Variants in SYNE2 observed in about 807,000 individuals in gnomAD.
SYNE2 encodes nesprin-2.
Under a neutral mutation model 856.3 loss-of-function variants are expected in SYNE2, and 431 were observed. That is an observed-to-expected ratio of 0.50 (90% CI 0.47 to 0.55). SYNE2 has a LOEUF of 0.55. SYNE2 is among the 20% of genes least tolerant of loss of function. The pLI is 0.00. For synonymous variants in SYNE2, 2,923 were observed against 2,872.3 expected, an observed-to-expected ratio of 1.02 and a Z score of -0.56; for missense variants, 8,129 against 8,023.2, an observed-to-expected ratio of 1.01 and a Z score of -0.50.
intron 96 of SYNE2, 66 bp from the exon 97 acceptor site, chr14:64,186,358 A>G (rs2098490855): frequency 6.3e-7 from 1 of 1,599,586 alleles, no homozygotes; most frequent in Non-Finnish European, 8.6e-7. Context: ...GGATTAGCCT[A>G]CAGGTTTGGA....
chr14:63,802,660 C>T (rs1281451135), intron 1 of SYNE2, among the ~76,000 whole-genome samples: 3 of 152,152 alleles, frequency 2.0e-5, no homozygotes. Context: ...AGAATGAAGC[C>T]GCAGACCCTC....
At chr14:64,140,166 A>G in intron 80 of SYNE2, 93 bp downstream of exon 80, 1 of 1,311,526 alleles carries the variant, frequency 7.6e-7, no homozygotes, top group Non-Finnish European at 1.1e-6. Flanking sequence ...CTTCGTATTT[A>G]TTTGTGGATA....
Position 64,074,096 on chromosome 14 carries a change from T to C in SYNE2, c.10826T>C (p.Met3609Thr). ...FQQTTTSFQN[M>T]AFQDHPEKSE... is the part of the protein sequence containing the mutation. ...CAGACCACAACTTCATTCCAAAATA[T>C]GGCATTCCAGGATCACCCAGAAAAG... The change falls in exon 53 of 116, where the codon ATG becomes ACG. Residue 3609 changes from methionine to threonine, a missense_variant. Coordinates refer to ENST00000555002, the MANE Select transcript of SYNE2 (RefSeq NM_182914.3). 1 of 1,614,186 alleles carries C rather than the reference T, an allele frequency of 6.2e-7. No individual in the cohort carries two copies. The highest frequency in any genetic ancestry group is 8.5e-7 in the Non-Finnish European group (1 of 1,180,022).
chr14:64,215,876 T>C (rs1240236999), intron 107 of SYNE2: 1 of 1,180,322 alleles, frequency 8.5e-7, no homozygotes, highest in African/African-American at 1.6e-5. Context: ...CTGAGGAGCC[T>C]TTTGGTTCCC....
At chr14:64,207,207 C>A (rs909894202) in intron 100 of SYNE2, among the ~76,000 whole-genome samples, 1 of 152,136 alleles carries the variant, frequency 6.6e-6, no homozygotes, top group African/African-American at 2.4e-5. Context: ...ATTCAGTTGG[C>A]GGGTTAGCAT....
chr14:64,003,828 A>G (rs1269453228), intron 30 of SYNE2, among the ~76,000 whole-genome samples: 4 of 152,234 alleles, frequency 2.6e-5, no homozygotes, highest in Non-Finnish European at 5.9e-5. Context: ...TTAAGAGGCA[A>G]TCTAAAGTTA....
chr14:63,868,722 A>ATGTG (rs539424668), intron 1 of SYNE2, among the ~76,000 whole-genome samples: 1 of 151,800 alleles, frequency 6.6e-6, no homozygotes, highest in African/African-American at 2.4e-5. Context: ...CTATGTGTGC[A>ATGTG]TGTGTGCGTG....
At chr14:64,143,621 G>A in intron 82 of SYNE2, 151 bp from the exon 83 acceptor site, 4 of 778,416 alleles carry the variant, frequency 5.1e-6, no homozygotes, top group Non-Finnish European at 6.7e-6. Flanking sequence ...CCAACTCCTG[G>A]TGTAGGTTGG....
intron 44 of SYNE2, among the ~76,000 whole-genome samples, chr14:64,030,576 T>A (rs1457754554): frequency 6.6e-6 from 1 of 152,240 alleles, no homozygotes; most frequent in Non-Finnish European, 1.5e-5. Flanking sequence ...GATAGTACAC[T>A]AGGTGAATTT....
At chr14:64,173,604 T>C (rs950384157) in intron 94 of SYNE2, among the ~76,000 whole-genome samples, 2 of 152,142 alleles carry the variant, frequency 1.3e-5, no homozygotes, top group Non-Finnish European at 2.9e-5. Flanking sequence ...TATGTATTAT[T>C]TATTTATTTA....
At chr14:64,134,515 C>G (rs1200145024) in intron 78 of SYNE2, among the ~76,000 whole-genome samples, 3 of 152,154 alleles carry the variant, frequency 2.0e-5, no homozygotes, top group Admixed American at 2.0e-4. Flanking sequence ...CTACCTGTCT[C>G]TGGAAGTGAA....
intron 64 of SYNE2, 149 bp from the exon 65 acceptor site, chr14:64,107,342 T>G: frequency 1.4e-6 from 1 of 731,286 alleles, no homozygotes; most frequent in Non-Finnish European, 2.4e-6. Context: ...TTTTCCCTAA[T>G]GAACAAACTT....
At position 63,888,844 on chromosome 14, in the gene SYNE2, A is replaced by T. The variant is rs563926075; in HGVS notation, c.-51-20254A>T. On this transcript the variant is annotated intron_variant, in intron 1 of 115. Coordinates refer to ENST00000555002, the MANE Select transcript of SYNE2 (RefSeq NM_182914.3). ...GATTATTTCTGTAGAGATTAAGAAC[A>T]TGAAAATACTGATGCTTAATATTTA... 5.3e-5 allele frequency among the ~76,000 whole-genome samples: 8 copies of T among 152,328 alleles called. No individual in the cohort carries two copies. The East Asian group carries it at 7.7e-4, about 15-fold the overall frequency.
chr14:64,192,684 A>G (rs925235383), intron 99 of SYNE2, among the ~76,000 whole-genome samples: 3 of 152,194 alleles, frequency 2.0e-5, no homozygotes, highest in African/African-American at 4.8e-5. Context: ...GTCCCATTTT[A>G]CATACCAAGA....
chr14:64,201,120 G>A (rs111374166), intron 99 of SYNE2, among the ~76,000 whole-genome samples: 14 of 152,264 alleles, frequency 9.2e-5, no homozygotes, highest in Middle Eastern at 3.4e-3. Context: ...CAGAGTCAGC[G>A]GTTAGGTACA....
chr14:63,783,128 A>C (rs1219756143), intron 1 of SYNE2, among the ~76,000 whole-genome samples: 1 of 152,004 alleles, frequency 6.6e-6, no homozygotes, highest in African/African-American at 2.4e-5. Context: ...GACCGGGTGG[A>C]GGTAATTGAA....
chr14:64,216,801 T>C (rs1170232604), intron 108 of SYNE2, among the ~76,000 whole-genome samples: 1 of 152,224 alleles, frequency 6.6e-6, no homozygotes, highest in Non-Finnish European at 1.5e-5. Flanking sequence ...CTTGACTTAC[T>C]GCAATCTCTG....
chr14:63,786,675 G>A (rs565609557), intron 1 of SYNE2, among the ~76,000 whole-genome samples: 1 of 152,250 alleles, frequency 6.6e-6, no homozygotes, highest in African/African-American at 2.4e-5. Flanking sequence ...ATTATTCATA[G>A]CTGAGAGAAG....
At chr14:64,191,528 C>G (rs1215827637) in intron 99 of SYNE2, among the ~76,000 whole-genome samples, 2 of 152,094 alleles carry the variant, frequency 1.3e-5, no homozygotes, top group Non-Finnish European at 2.9e-5. Context: ...AGAGCAGCAT[C>G]GAAGCCGTTC....
Sources: allele counts gnomAD v4.1 joint callset (sites outside exome capture counted in the v4.1 genomes callset), GRCh38; gene constraint gnomAD v4.1.1; transcripts MANE v1.5; gene names NCBI Gene and HGNC (gene_info 2026-07-23, HGNC 2026-07-21).